Variants in LRRIQ3 observed in about 807,000 individuals in gnomAD.
LRRIQ3 encodes leucine rich repeats and IQ motif containing 3.
Under a neutral mutation model 59.3 loss-of-function variants are expected in LRRIQ3, and 75 were observed. The observed-to-expected ratio is 1.26, with a 90% CI of 1.05 to 1.53. The LOEUF (loss-of-function observed/expected upper bound fraction) is 1.53. Ranked by LOEUF, LRRIQ3 falls within the 40% of genes most tolerant of loss-of-function variation. The pLI is 0.00. For synonymous variants in LRRIQ3, 250 were observed against 231.3 expected, an observed-to-expected ratio of 1.08 and a Z score of -0.73; for missense variants, 831 against 710.0, an observed-to-expected ratio of 1.17 and a Z score of -1.94.
chr1:74,115,986 A>G (rs979669269), intron 4 of LRRIQ3, among the ~76,000 whole-genome samples: 8 of 152,234 alleles, frequency 5.3e-5, no homozygotes, highest in African/African-American at 1.9e-4. Flanking sequence ...ACAAAGAACT[A>G]AAACAATATA....
intron 6 of LRRIQ3, among the ~76,000 whole-genome samples, chr1:74,071,299 T>A (rs1486098500): frequency 6.6e-6 from 1 of 152,046 alleles, no homozygotes; most frequent in African/African-American, 2.4e-5. Flanking sequence ...CCCAAAACTC[T>A]GAGATTACAG....
chr1:74,146,151 T>A (rs1647554626), intron 4 of LRRIQ3, among the ~76,000 whole-genome samples: 1 of 152,134 alleles, frequency 6.6e-6, no homozygotes, highest in African/African-American at 2.4e-5. Flanking sequence ...CCTAAGTTTG[T>A]CAAAGTACTC....
intron 3 of LRRIQ3, among the ~76,000 whole-genome samples, chr1:74,161,166 G>C (rs2100679398): frequency 6.6e-6 from 1 of 152,096 alleles, no homozygotes; most frequent in South Asian, 2.1e-4. Context: ...GTAATGGAAA[G>C]GGGACGGATC....
At chr1:74,028,988 TA>T (rs1284727857) in intron 7 of LRRIQ3, among the ~76,000 whole-genome samples, 1 of 152,024 alleles carries the variant, frequency 6.6e-6, no homozygotes, top group Non-Finnish European at 1.5e-5. Context: ...CTCTTACAGA[TA>T]AACATTATAA....
At chr1:74,047,883 T>C (rs1654251677) in intron 6 of LRRIQ3, among the ~76,000 whole-genome samples, 1 of 152,132 alleles carries the variant, frequency 6.6e-6, no homozygotes, top group African/African-American at 2.4e-5. Context: ...AAGGTTAAAT[T>C]TGGTCATAAA....
chr1:74,163,181 T>G (rs1435620991), intron 3 of LRRIQ3, among the ~76,000 whole-genome samples: 2 of 151,566 alleles, frequency 1.3e-5, no homozygotes, highest in Admixed American at 6.6e-5. Context: ...ATTTGAAAAG[T>G]GTAAAACATA....
At chr1:74,034,594 A>G (rs1653811907) in intron 7 of LRRIQ3, among the ~76,000 whole-genome samples, 1 of 151,388 alleles carries the variant, frequency 6.6e-6, no homozygotes, top group East Asian at 1.9e-4. Context: ...TACTTTTTTA[A>G]ATTAAAATAA....
Position 74,109,387 on chromosome 1 carries a change from T to A in LRRIQ3, c.867+7A>T. On this transcript the variant is annotated splice_region_variant and intron_variant, in intron 5 of 7. Transcript: ENST00000354431. Reference sequence around the variant, plus strand: ...TCAAATAAAAATAATAAACTAATTATACTTACATGTTTCCAATATGCAAGC... The same window carrying A: ...TCAAATAAAAATAATAAACTAATTAAACTTACATGTTTCCAATATGCAAGC... 1 of 1,461,412 alleles carries A rather than the reference T, an allele frequency of 6.8e-7. No homozygotes were observed. Among genetic ancestry groups the A allele is most frequent in the African/African-American group, 1.4e-5 (1 of 70,316 alleles). The allele number at this position is 1,461,412 out of a possible 1,614,324, so 90.5% of individuals were successfully genotyped here. A position where few individuals can be genotyped will look rare whatever the true frequency, so the allele number is the denominator to read the frequency against.
At chr1:74,196,417 C>A (rs988285450) in intron 1 of LRRIQ3, among the ~76,000 whole-genome samples, 3 of 152,128 alleles carry the variant, frequency 2.0e-5, no homozygotes, top group African/African-American at 7.2e-5. Context: ...AAAATTAATT[C>A]TATCTTCTTG....
Position 74,183,594 on chromosome 1 carries a change from CAA to C in LRRIQ3, c.89_90del (p.Phe30CysfsTer23). 5.6e-6 allele frequency: 9 copies of C among 1,611,872 alleles called. No homozygotes were observed. The highest frequency in any genetic ancestry group is 2.2e-5 in the East Asian group (1 of 44,646). On this transcript the variant is annotated frameshift_variant, in exon 2 of 8. Transcript: ENST00000354431. LOFTEE classifies it high-confidence loss of function. Reference protein sequence around the residue: ...NENIREGQKDFVFVKFNGLHL... With the variant: ...NENIREGQKDXVFVKFNGLHL... ...TGAAGGCCATTGAACTTCACAAAAA[CAA>C]AATCTTTTTGACCTTCTCTTATGTT...
At chr1:74,169,458 C>G (rs376391509) in intron 3 of LRRIQ3, among the ~76,000 whole-genome samples, 1 of 152,230 alleles carries the variant, frequency 6.6e-6, no homozygotes, top group African/African-American at 2.4e-5. Context: ...TATGATAGCT[C>G]TATTTGTACT....
chr1:74,059,941 T>A (rs961076366), intron 6 of LRRIQ3, among the ~76,000 whole-genome samples: 2 of 152,094 alleles, frequency 1.3e-5, no homozygotes, highest in African/African-American at 2.4e-5. Flanking sequence ...CTATTATAAA[T>A]AAAATTGTAT....
At chr1:74,065,484 G>T (rs924316540) in intron 6 of LRRIQ3, among the ~76,000 whole-genome samples, 3 of 152,030 alleles carry the variant, frequency 2.0e-5, no homozygotes, top group Admixed American at 2.0e-4. Context: ...CACTGTAGAT[G>T]CATCAATTCA....
chr1:74,053,031 A>T (rs1305955759), intron 6 of LRRIQ3, among the ~76,000 whole-genome samples: 2 of 152,142 alleles, frequency 1.3e-5, no homozygotes, highest in Non-Finnish European at 2.9e-5. Flanking sequence ...ATTGACAAAT[A>T]GATCAATGGA....
chr1:74,129,781 G>C (rs1646986099), intron 4 of LRRIQ3, among the ~76,000 whole-genome samples: 1 of 151,860 alleles, frequency 6.6e-6, no homozygotes, highest in Admixed American at 6.6e-5. Flanking sequence ...AGTACCTAAG[G>C]GATCTTTAGC....
Position 74,074,621 on chromosome 1 carries a change from A to G in LRRIQ3, c.997+40T>C, listed in dbSNP as rs1431243106. ...ATTATATTATTTACTCTTCATCAAA[A>G]TATATTTATTAAATATAATTAAAAA... On this transcript the variant is annotated intron_variant, in intron 6 of 7. Transcript: ENST00000354431. 5 of 937,612 alleles carry G rather than the reference A, an allele frequency of 5.3e-6. No homozygotes were observed. In the South Asian group the frequency reaches 9.2e-5, roughly 17 times the overall value. 58.1% of individuals were successfully genotyped at this position (937,612 alleles called of 1,614,324 possible). A position where few individuals can be genotyped will look rare whatever the true frequency, so the allele number is the denominator to read the frequency against.
Position 74,183,422 on chromosome 1 carries a change from T to C in LRRIQ3, c.249+14A>G. 6.6e-7 allele frequency: 1 copy of C among 1,526,280 alleles called. No individual in the cohort carries two copies. The highest frequency in any genetic ancestry group is 8.8e-7 in the Non-Finnish European group (1 of 1,137,772). 94.5% of individuals were successfully genotyped at this position (1,526,280 alleles called of 1,614,324 possible). ...TTCGTTTATATGCAAATATCTGAAA[T>C]GGCTATTGCTTACCTGATTTCCATG... On this transcript the variant is annotated intron_variant, in intron 2 of 7. Transcript: ENST00000354431.
At chr1:74,063,360 G>T (rs1203973472) in intron 6 of LRRIQ3, among the ~76,000 whole-genome samples, 2 of 152,070 alleles carry the variant, frequency 1.3e-5, no homozygotes, top group South Asian at 2.1e-4. Context: ...CACTTGAGAA[G>T]AATGTGTATT....
chr1:74,157,294 A>G (rs1422018717), intron 3 of LRRIQ3, among the ~76,000 whole-genome samples: 1 of 151,976 alleles, frequency 6.6e-6, no homozygotes, highest in Non-Finnish European at 1.5e-5. Context: ...CTATATTCCT[A>G]TCTATACTGA....
Sources: gnomAD v4.1 joint callset for allele counts (sites outside exome capture counted in the v4.1 genomes callset) on GRCh38, gnomAD v4.1.1 for gene constraint, MANE v1.5 for transcripts, NCBI Gene and HGNC (gene_info 2026-07-23, HGNC 2026-07-21) for gene names.